BNC2: variants seen among roughly 807,000 people sequenced by gnomAD.
The protein encoded by BNC2 is basonuclin zinc finger protein 2.
In BNC2, 20 loss-of-function variants were observed where a neutral mutation model predicts 76.3. The observed-to-expected ratio is 0.26, with a 90% confidence interval of 0.18 to 0.38. The LOEUF (loss-of-function observed/expected upper bound fraction) is 0.38. Among genes scored for constraint, BNC2 ranks in the 10% least tolerant of loss-of-function variants. The pLI is 1.00. For missense variants in BNC2, 1,382 were observed against 1,399.8 expected (o/e 0.99, Z 0.20); for synonymous variants, 582 against 514.8 (o/e 1.13, Z -1.77).
chr9:16,836,328 T>C (rs1818705396), intron 1 of BNC2, among the ~76,000 whole-genome samples: 1 of 152,102 alleles, frequency 6.6e-6, no homozygotes, highest in Non-Finnish European at 1.5e-5. Context: ...TAGGGTATAA[T>C]CAATTATTAC....
intron 3 of BNC2, among the ~76,000 whole-genome samples, chr9:16,659,420 C>T (rs944773793): frequency 9.2e-5 from 14 of 152,020 alleles, no homozygotes; most frequent in East Asian, 7.8e-4. Flanking sequence ...CCATCCTGGC[C>T]AACATGGTGA....
intron 3 of BNC2, among the ~76,000 whole-genome samples, chr9:16,660,108 A>T (rs978557405): frequency 3.3e-5 from 5 of 152,242 alleles, no homozygotes; most frequent in Non-Finnish European, 7.3e-5. Context: ...TGTACTATTT[A>T]CTAGCACTTT....
intron 3 of BNC2, among the ~76,000 whole-genome samples, chr9:16,709,484 G>C (rs1400647114): frequency 6.6e-6 from 1 of 152,158 alleles, no homozygotes; most frequent in East Asian, 1.9e-4. Flanking sequence ...AAATAGGAAG[G>C]GAAGAGAGAG....
At position 16,436,708 on chromosome 9, in the gene BNC2, G is replaced by A; in HGVS notation, c.1486C>T (p.Arg496Cys). 6.2e-7 allele frequency: 1 copy of A among 1,614,170 alleles called. No individual in the cohort carries two copies. Among genetic ancestry groups the A allele is most frequent in the Non-Finnish European group, 8.5e-7 (1 of 1,180,032 alleles). The change falls in exon 6 of 7, where the codon CGC becomes TGC. Residue 496 changes from arginine to cysteine, a missense_variant. Coordinates refer to ENST00000380672, the MANE Select transcript of BNC2 (RefSeq NM_017637.6). ...TTCCTTAGCATAGGCATGTGAAGGC[G>A]AGGATTGGGGTTTGCACTGTGGCGA... ...RNRHSANPNP[R>C]LHMPMLRNNR...
chr9:16,802,731 C>T (rs1194213570), intron 1 of BNC2, among the ~76,000 whole-genome samples: 2 of 152,170 alleles, frequency 1.3e-5, no homozygotes, highest in Non-Finnish European at 2.9e-5. Context: ...AGACTGAGAT[C>T]ATGGTGGGTT....
intron 5 of BNC2, among the ~76,000 whole-genome samples, chr9:16,489,974 C>G (rs559994115): frequency 6.6e-6 from 1 of 152,278 alleles, no homozygotes; most frequent in African/African-American, 2.4e-5. Flanking sequence ...TACTGTTTCT[C>G]CTTCCCTCAA....
chr9:16,669,071 C>A (rs943719367), intron 3 of BNC2, among the ~76,000 whole-genome samples: 1 of 152,028 alleles, frequency 6.6e-6, no homozygotes, highest in African/African-American at 2.4e-5. Context: ...AGTCATAATA[C>A]CCACTTTGGG....
At chr9:16,723,416 C>T (rs1824223323) in intron 3 of BNC2, among the ~76,000 whole-genome samples, 2 of 151,784 alleles carry the variant, frequency 1.3e-5, no homozygotes, top group Admixed American at 1.3e-4. Context: ...AGACCCAAAC[C>T]ACAATGTACA....
At chr9:16,755,361 C>A (rs1316169159) in intron 1 of BNC2, among the ~76,000 whole-genome samples, 5 of 152,178 alleles carry the variant, frequency 3.3e-5, no homozygotes, top group African/African-American at 1.2e-4. Context: ...TCAGAACATA[C>A]CCTATTAACA....
At chr9:16,768,592 C>T (rs1825755673) in intron 1 of BNC2, among the ~76,000 whole-genome samples, 1 of 152,010 alleles carries the variant, frequency 6.6e-6, no homozygotes, top group Non-Finnish European at 1.5e-5. Context: ...AGAGAAAGAG[C>T]TGATCCAGAG....
chr9:16,505,319 C>T (rs374892985), intron 5 of BNC2, among the ~76,000 whole-genome samples: 58 of 152,282 alleles, frequency 3.8e-4, no homozygotes, highest in Middle Eastern at 3.4e-3. Context: ...TTGCTCTAAT[C>T]TTTGTTTATA....
At position 16,419,878 on chromosome 9, in the gene BNC2, T is replaced by C. The variant is rs562176330; in HGVS notation, c.2640-229A>G. On this transcript the variant is annotated intron_variant, in intron 6 of 6. Transcript: ENST00000380672. ...GAACTTTCCATTAACATTATTTTTA[T>C]AAGAGAGTTGACTCTGTCAATGGTA... 1.9e-4 allele frequency among the ~76,000 whole-genome samples: 29 copies of C among 152,296 alleles called. No individual in the cohort carries two copies. The South Asian group carries it at 5.6e-3, about 29-fold the overall frequency.
chr9:16,658,218 C>T (rs1289242351), intron 3 of BNC2, among the ~76,000 whole-genome samples: 3 of 152,040 alleles, frequency 2.0e-5, no homozygotes, highest in African/African-American at 7.3e-5. Flanking sequence ...ACTATTTAGA[C>T]ATTTACAAAA....
rs545593784 is a variant in BNC2 at position 16,440,861 on chromosome 9, T to A, written c.670-3337A>T. 9.8e-4 allele frequency among the ~76,000 whole-genome samples: 149 copies of A among 152,338 alleles called. 1 individual carries two copies. Among genetic ancestry groups the A allele is most frequent in the African/African-American group, 3.5e-3 (144 of 41,582 alleles). On this transcript the variant is annotated intron_variant, in intron 5 of 6. Coordinates refer to ENST00000380672, the MANE Select transcript of BNC2 (RefSeq NM_017637.6). Reference sequence around the variant, plus strand: ...TATGATTTAGAACTTTGCTAGTTCCTGAATCATAAAAGAGAAGCTTTATTT... The same window carrying A: ...TATGATTTAGAACTTTGCTAGTTCCAGAATCATAAAAGAGAAGCTTTATTT...
At chr9:16,822,670 G>A (rs972459766) in intron 1 of BNC2, among the ~76,000 whole-genome samples, 5 of 152,104 alleles carry the variant, frequency 3.3e-5, no homozygotes, top group Admixed American at 3.3e-4. Context: ...CGTGTCAAAT[G>A]CAATAAAGCA....
chr9:16,454,765 T>C (rs1349307832), intron 5 of BNC2, among the ~76,000 whole-genome samples: 1 of 152,200 alleles, frequency 6.6e-6, no homozygotes, highest in African/African-American at 2.4e-5. Context: ...CAATGTCTGA[T>C]TAGGCAGTCA....
chr9:16,743,243 C>G (rs1424567764), intron 1 of BNC2, among the ~76,000 whole-genome samples: 1 of 152,188 alleles, frequency 6.6e-6, no homozygotes, highest in Non-Finnish European at 1.5e-5. Context: ...AGTGTACAAG[C>G]TTTCTGCTAC....
chr9:16,518,982 A>T (rs1408522274), intron 5 of BNC2, among the ~76,000 whole-genome samples: 1 of 152,220 alleles, frequency 6.6e-6, no homozygotes, highest in Non-Finnish European at 1.5e-5. Context: ...ACAAAAAGCA[A>T]GTGTGTTATC....
intron 3 of BNC2, among the ~76,000 whole-genome samples, chr9:16,589,280 G>T (rs910437455): frequency 6.6e-6 from 1 of 151,948 alleles, no homozygotes; most frequent in Non-Finnish European, 1.5e-5. Context: ...CTGCCTCTTG[G>T]GCTCAAACAA....
Sources: gnomAD v4.1 joint callset for allele counts (sites outside exome capture counted in the v4.1 genomes callset) on GRCh38, gnomAD v4.1.1 for gene constraint, MANE v1.5 for transcripts, NCBI Gene and HGNC (gene_info 2026-07-23, HGNC 2026-07-21) for gene names.